The following ARHGAP32 variants were observed in gnomAD, a reference collection of about 807,000 sequenced individuals.
The protein encoded by ARHGAP32 is rho GTPase-activating protein 32.
In ARHGAP32, 51 loss-of-function variants were observed where a neutral mutation model predicts 186.5. That is an observed-to-expected ratio of 0.27 (90% CI 0.22 to 0.35). ARHGAP32 has a LOEUF of 0.35. Among genes scored for constraint, ARHGAP32 ranks in the 10% least tolerant of loss-of-function variants. The pLI, the probability that ARHGAP32 is intolerant of heterozygous loss-of-function variation, is 1.00. For synonymous variants in ARHGAP32, 950 were observed against 964.3 expected (o/e 0.99, Z 0.27); for missense variants, 2,186 against 2,623.5 (o/e 0.83, Z 3.64).
chr11:129,016,020 T>C (rs923700261), intron 11 of ARHGAP32, among the ~76,000 whole-genome samples: 2 of 152,208 alleles, frequency 1.3e-5, no homozygotes, highest in Non-Finnish European at 2.9e-5. Flanking sequence ...TACACTCTAA[T>C]TAGATGTATT....
chr11:128,982,249 G>C (rs942011466), intron 15 of ARHGAP32, among the ~76,000 whole-genome samples: 1 of 152,090 alleles, frequency 6.6e-6, no homozygotes, highest in African/African-American at 2.4e-5. Flanking sequence ...CCTTAAAACA[G>C]TTACAAGAAA....
At chr11:129,271,036 G>A (rs1945466168) in intron 1 of ARHGAP32, among the ~76,000 whole-genome samples, 1 of 152,162 alleles carries the variant, frequency 6.6e-6, no homozygotes, top group Non-Finnish European at 1.5e-5. Flanking sequence ...CTGATATGGA[G>A]CCTCATAAGC....
At chr11:129,246,231 C>T (rs1461991721) in intron 1 of ARHGAP32, among the ~76,000 whole-genome samples, 2 of 152,138 alleles carry the variant, frequency 1.3e-5, no homozygotes, top group African/African-American at 4.8e-5. Context: ...TCAGTTGTAA[C>T]ACAGATTCCA....
At chr11:129,234,989 C>T (rs1046774597) in intron 1 of ARHGAP32, among the ~76,000 whole-genome samples, 2 of 152,144 alleles carry the variant, frequency 1.3e-5, no homozygotes, top group African/African-American at 4.8e-5. Context: ...AAAGACTGCA[C>T]TATTTAGAAA....
At chr11:128,979,726 A>G (rs1945655284) in intron 18 of ARHGAP32, among the ~76,000 whole-genome samples, 1 of 152,236 alleles carries the variant, frequency 6.6e-6, no homozygotes, top group South Asian at 2.1e-4. Flanking sequence ...TACGGGAAGA[A>G]CAAATTCTAA....
intron 6 of ARHGAP32, 58 bp downstream of exon 6, chr11:129,093,563 C>T: frequency 1.7e-6 from 2 of 1,180,636 alleles, no homozygotes; most frequent in Non-Finnish European, 2.5e-6. Flanking sequence ...TAAATTTAAT[C>T]ATCACTCAAC....
Position 128,969,654 on chromosome 11 carries a change from G to A in ARHGAP32, c.5559C>T (p.Ala1853=), listed in dbSNP as rs1945303019. The A allele has an allele frequency of 5.0e-6, 8 of 1,613,984 alleles. No individual in the cohort carries two copies. The South Asian group carries it at 5.5e-5, about 11-fold the overall frequency. The change falls in exon 23 of 23, where the codon GCC becomes GCT. Residue 1853 remains alanine, a synonymous_variant. Coordinates refer to ENST00000682385, the MANE Select transcript of ARHGAP32 (RefSeq NM_001378024.1). The surrounding 1 kb of genome is among the most constrained non-coding windows in gnomAD (Gnocchi z 4.8). Reference sequence around the variant, plus strand: ...TGCTACCATGGCCTCCGTGATGGTGGGCTCTGTCCATCTCTGCCTCGGGAT... The same window carrying A: ...TGCTACCATGGCCTCCGTGATGGTGAGCTCTGTCCATCTCTGCCTCGGGAT... ...RRHPEAEMDR[A]HHHGGHGSTQ... is the part of the protein sequence containing the mutation.
At chr11:129,019,938 A>C (rs1938526056) in intron 11 of ARHGAP32, among the ~76,000 whole-genome samples, 1 of 152,120 alleles carries the variant, frequency 6.6e-6, no homozygotes, top group Admixed American at 6.6e-5. Context: ...CCAATAACTC[A>C]CTATAAGATT....
At chr11:129,101,637 A>G (rs977535948) in intron 5 of ARHGAP32, among the ~76,000 whole-genome samples, 6 of 152,232 alleles carry the variant, frequency 3.9e-5, no homozygotes, top group Admixed American at 3.9e-4. Flanking sequence ...GAAATAAGAC[A>G]GACAGACAAG....
At chr11:129,037,312 C>T (rs1275543701) in intron 11 of ARHGAP32, among the ~76,000 whole-genome samples, 28 of 150,422 alleles carry the variant, frequency 1.9e-4, no homozygotes, top group Admixed American at 1.8e-3. Context: ...GCCTATGCAA[C>T]ACAGTGAGAC....
intron 1 of ARHGAP32, among the ~76,000 whole-genome samples, chr11:129,199,222 G>C (rs1677466482): frequency 6.6e-6 from 1 of 152,214 alleles, no homozygotes; most frequent in East Asian, 1.9e-4. Context: ...CAACAGAAAA[G>C]AAAAACCCAT....
At chr11:128,997,217 C>T (rs920665234) in intron 12 of ARHGAP32, among the ~76,000 whole-genome samples, 1 of 152,072 alleles carries the variant, frequency 6.6e-6, no homozygotes, top group African/African-American at 2.4e-5. Context: ...AAGTAATCCT[C>T]AGGGGTTTTT....
intron 1 of ARHGAP32, among the ~76,000 whole-genome samples, chr11:129,254,653 TA>T (rs1389613832): frequency 6.6e-6 from 1 of 152,142 alleles, no homozygotes; most frequent in Non-Finnish European, 1.5e-5. Context: ...GTCTTATTTT[TA>T]TTTCACTATT....
chr11:128,970,743 A>G lies in ARHGAP32; in HGVS notation c.4470T>C (p.Phe1490=), dbSNP rs1945343618. The G allele has an allele frequency of 9.3e-6, 15 of 1,614,212 alleles. No individual in the cohort carries two copies. Among genetic ancestry groups the G allele is most frequent in the Non-Finnish European group, 1.3e-5 (15 of 1,180,032 alleles). The change falls in exon 23 of 23, where the codon TTT becomes TTC. Residue 1490 remains phenylalanine, a synonymous_variant. Coordinates refer to ENST00000682385, the MANE Select transcript of ARHGAP32 (RefSeq NM_001378024.1). This position sits in a 1 kb window ranked among gnomAD's most constrained non-coding sequence, Gnocchi z 5.8. ...HASQKTVYSS[F]ARPDVTTEPF... ...GTTCAGTGGTGACATCGGGCCTAGC[A>G]AAGGAGGAGTAAACTGTTTTCTGAG...
intron 1 of ARHGAP32, among the ~76,000 whole-genome samples, chr11:129,169,333 A>T (rs750968966): frequency 6.6e-6 from 1 of 152,114 alleles, no homozygotes; most frequent in Non-Finnish European, 1.5e-5. Context: ...GTGAACATTA[A>T]AAAGATTCTA....
chr11:129,124,587 C>G (rs755802701), intron 3 of ARHGAP32, among the ~76,000 whole-genome samples: 8 of 152,054 alleles, frequency 5.3e-5, no homozygotes, highest in Non-Finnish European at 1.0e-4. Context: ...CAGAAAATGA[C>G]ATAAGTTGCT....
At chr11:129,247,051 C>A (rs946030550) in intron 1 of ARHGAP32, among the ~76,000 whole-genome samples, 1 of 152,206 alleles carries the variant, frequency 6.6e-6, no homozygotes, top group South Asian at 2.1e-4. Flanking sequence ...AGTAAATACA[C>A]TGACATAGTA....
At chr11:129,102,549 G>A (rs1378241745) in intron 5 of ARHGAP32, among the ~76,000 whole-genome samples, 1 of 152,082 alleles carries the variant, frequency 6.6e-6, no homozygotes, top group Non-Finnish European at 1.5e-5. Flanking sequence ...AATGGGCAAA[G>A]TACTAGAGAA....
chr11:128,988,713 C>A (rs1374159439), intron 12 of ARHGAP32, among the ~76,000 whole-genome samples: 3 of 152,154 alleles, frequency 2.0e-5, no homozygotes, highest in African/African-American at 7.2e-5. Flanking sequence ...CTTGTAATTT[C>A]CTGGCCATAT....
Sources: gnomAD v4.1 joint callset for allele counts (sites outside exome capture counted in the v4.1 genomes callset) on GRCh38, gnomAD v4.1.1 for gene constraint, Gnocchi (gnomAD v3.1) non-coding constraint, MANE v1.5 for transcripts, NCBI Gene and HGNC (gene_info 2026-07-23, HGNC 2026-07-21) for gene names.